SESTD1: variants seen among roughly 807,000 people sequenced by gnomAD.
SESTD1 encodes the protein SEC14 and spectrin domain containing 1, also known as SEC14 domain and spectrin repeat-containing protein 1.
A neutral mutation model predicts 101.7 loss-of-function variants in SESTD1; 43 were observed. That is an observed-to-expected ratio of 0.42 (90% confidence interval 0.33 to 0.55). The LOEUF is 0.55. Among genes scored for constraint, SESTD1 ranks in the 20% least tolerant of loss-of-function variants. The pLI, the probability that SESTD1 is intolerant of heterozygous loss-of-function variation, is 0.07. For synonymous variants in SESTD1, 283 were observed against 286.8 expected (o/e 0.99, Z 0.13); for missense variants, 647 against 815.1 (o/e 0.79, Z 2.51).
intron 9 of SESTD1, among the ~76,000 whole-genome samples, chr2:179,137,842 A>C (rs1049695265): frequency 6.6e-6 from 1 of 152,238 alleles, no homozygotes; most frequent in Non-Finnish European, 1.5e-5. Context: ...TTTAACAGAG[A>C]TACTCAGTTT....
intron 7 of SESTD1, among the ~76,000 whole-genome samples, chr2:179,147,365 GTTTTTTTT>G (rs113504437): frequency 1.4e-5 from 2 of 141,172 alleles, no homozygotes; most frequent in African/African-American, 5.1e-5. Flanking sequence ...TTGTTTTTTT[GTTTTTTTT>G]TTTTTTGAGA....
intron 9 of SESTD1, among the ~76,000 whole-genome samples, chr2:179,134,611 TTC>T (rs950448605): frequency 9.9e-5 from 15 of 152,206 alleles, no homozygotes; most frequent in Non-Finnish European, 1.8e-4. Flanking sequence ...ATGTTTTTTT[TTC>T]TCTGTTTTAT....
In SESTD1 at chr2:179,109,886, T is replaced by G. The variant is rs200218736; in HGVS notation, c.*13A>C. On this transcript the variant is annotated 3_prime_UTR_variant, in exon 18 of 18. Coordinates refer to ENST00000428443, the MANE Select transcript of SESTD1 (RefSeq NM_178123.5). ...GGATTATGAACTGCAAATCTGTAGG[T>G]AGCTGGTAGCTATTAGCTCTCTGTG... 5 of 1,613,182 alleles carry G rather than the reference T, an allele frequency of 3.1e-6. No individual in the cohort carries two copies. The East Asian group carries it at 8.9e-5, about 29-fold the overall frequency.
intron 2 of SESTD1, among the ~76,000 whole-genome samples, chr2:179,187,588 C>T (rs1271600658): frequency 2.6e-5 from 4 of 152,122 alleles, no homozygotes; most frequent in African/African-American, 7.2e-5. Flanking sequence ...GAGCTATGAT[C>T]GCACCACTGC....
chr2:179,154,972 T>C (rs1243354329), intron 5 of SESTD1, among the ~76,000 whole-genome samples: 1 of 152,200 alleles, frequency 6.6e-6, no homozygotes, highest in Non-Finnish European at 1.5e-5. Flanking sequence ...CAATCCGTAT[T>C]ACTGATTTCT....
chr2:179,171,094 A>C (rs2045922447), intron 5 of SESTD1, among the ~76,000 whole-genome samples: 1 of 152,202 alleles, frequency 6.6e-6, no homozygotes, highest in Admixed American at 6.5e-5. Context: ...AGTTAACTAT[A>C]GGAGCATATA....
chr2:179,114,791 C>T (rs2044591590), intron 16 of SESTD1, among the ~76,000 whole-genome samples: 1 of 152,128 alleles, frequency 6.6e-6, no homozygotes, highest in Non-Finnish European at 1.5e-5. Flanking sequence ...ATATTCTGGA[C>T]ACCAGGCTTG....
At position 179,183,340 on chromosome 2, in the gene SESTD1, A is replaced by G. The variant is rs186710125; in HGVS notation, c.56-152T>C. ...GGCTACTTATAGATTGTAAATTTTT[A>G]TGATAGTATAGAAGAATTACAGAAA... On this transcript the variant is annotated intron_variant, in intron 2 of 17. Coordinates refer to ENST00000428443, the MANE Select transcript of SESTD1 (RefSeq NM_178123.5). 774 of 507,998 alleles carry G rather than the reference A, an allele frequency of 1.5e-3. 8 individuals are homozygous for G. Among genetic ancestry groups the G allele is most frequent in the African/African-American group, 0.014 (707 of 50,210 alleles). 31.5% of individuals were successfully genotyped at this position (507,998 alleles called of 1,614,324 possible).
rs961589663 is a variant in SESTD1 at position 179,185,822 on chromosome 2, A to G, written c.56-2634T>C. Among the ~76,000 whole-genome samples the G allele has an allele frequency of 2.3e-5, 3 of 130,850 alleles. 1 individual carries two copies. Among genetic ancestry groups the G allele is most frequent in the Non-Finnish European group, 4.6e-5 (3 of 64,834 alleles). The allele number at this position is 130,850 out of a possible 152,430, so 85.8% of individuals were successfully genotyped here. ...TAATATAGCATATACAATATAGTATATTATATATAATATATAATATAGCAT... is the reference window on the plus strand; with the variant it reads ...TAATATAGCATATACAATATAGTATGTTATATATAATATATAATATAGCAT... On this transcript the variant is annotated intron_variant, in intron 2 of 17. Coordinates refer to ENST00000428443, the MANE Select transcript of SESTD1 (RefSeq NM_178123.5).
chr2:179,164,416 G>A (rs965509730), intron 5 of SESTD1, among the ~76,000 whole-genome samples: 5 of 152,154 alleles, frequency 3.3e-5, no homozygotes, highest in Non-Finnish European at 7.4e-5. Context: ...GGAGAGTGGA[G>A]ATCCCTTTGA....
chr2:179,138,913 G>A (rs1465228877), intron 9 of SESTD1, among the ~76,000 whole-genome samples: 2 of 145,908 alleles, frequency 1.4e-5, no homozygotes, highest in Admixed American at 6.9e-5. Flanking sequence ...CTTCCACAAG[G>A]ACATCTGTCC....
chr2:179,226,980 T>C (rs1464533324), intron 1 of SESTD1, among the ~76,000 whole-genome samples: 1 of 152,210 alleles, frequency 6.6e-6, no homozygotes, highest in Admixed American at 6.5e-5. Flanking sequence ...GAACTATGAA[T>C]AGAGCATTAT....
chr2:179,179,209 T>C (rs979763391), intron 3 of SESTD1, among the ~76,000 whole-genome samples: 1 of 152,202 alleles, frequency 6.6e-6, no homozygotes, highest in Admixed American at 6.6e-5. Flanking sequence ...TTATACCCTT[T>C]ATAAAGGGCC....
At chr2:179,221,505 C>T (rs1009935241) in intron 1 of SESTD1, among the ~76,000 whole-genome samples, 1 of 151,546 alleles carries the variant, frequency 6.6e-6, no homozygotes, top group South Asian at 2.1e-4. Flanking sequence ...CCCAGCTACT[C>T]GGGAGGCTGA....
intron 1 of SESTD1, among the ~76,000 whole-genome samples, chr2:179,192,716 A>C (rs1001964397): frequency 2.6e-5 from 4 of 152,254 alleles, no homozygotes; most frequent in Non-Finnish European, 5.9e-5. Context: ...TGGCCAGCCC[A>C]GTATACCATC....
At chr2:179,230,962 A>AGG (rs2046978816) in intron 1 of SESTD1, among the ~76,000 whole-genome samples, 1 of 152,170 alleles carries the variant, frequency 6.6e-6, no homozygotes, top group African/African-American at 2.4e-5. Flanking sequence ...AGCAACTTAC[A>AGG]GGGGCAAGAA....
intron 1 of SESTD1, among the ~76,000 whole-genome samples, chr2:179,248,204 C>T (rs1037053170): frequency 6.6e-6 from 1 of 152,104 alleles, no homozygotes; most frequent in Non-Finnish European, 1.5e-5. Context: ...CTTCCTCAAA[C>T]TATCACAACC....
At chr2:179,163,923 C>G (rs1011808708) in intron 5 of SESTD1, among the ~76,000 whole-genome samples, 2 of 152,116 alleles carry the variant, frequency 1.3e-5, no homozygotes, top group Non-Finnish European at 2.9e-5. Flanking sequence ...CCTTCTGTAA[C>G]TATAATACTT....
chr2:179,129,734 AAAAG>A (rs1559103688), intron 10 of SESTD1, among the ~76,000 whole-genome samples: 1 of 152,240 alleles, frequency 6.6e-6, no homozygotes. Context: ...TTACAGAGAG[AAAAG>A]AAAGCTTTTA....
Sources: allele counts gnomAD v4.1 joint callset (sites outside exome capture counted in the v4.1 genomes callset), GRCh38; gene constraint gnomAD v4.1.1; transcripts MANE v1.5; gene names NCBI Gene and HGNC (gene_info 2026-07-23, HGNC 2026-07-21).